Variants in CSE1L observed in about 807,000 individuals in gnomAD.
The protein encoded by CSE1L is chromosome segregation 1 like, also known as exportin-2.
Under a neutral mutation model 120.4 loss-of-function variants are expected in CSE1L, and 24 were observed. The ratio of observed to expected loss-of-function variants is 0.20; its 90% CI spans 0.14 to 0.28. CSE1L has a LOEUF of 0.28. Among genes scored for constraint, CSE1L ranks in the 10% least tolerant of loss-of-function variants. The pLI is 1.00. For missense variants in CSE1L, 830 were observed against 1,145.2 expected (o/e 0.72, Z 3.97); for synonymous variants, 402 against 398.3 (o/e 1.01, Z -0.11).
intron 8 of CSE1L, among the ~76,000 whole-genome samples, chr20:49,070,699 G>A (rs190738445): frequency 1.3e-5 from 1 of 77,780 alleles, no homozygotes; most frequent in Admixed American, 1.2e-4. Flanking sequence ...GGGCGGCCAA[G>A]GTGGGGAGGA....
At chr20:49,067,928 CTTTTTTTTT>C (rs10567768) in intron 6 of CSE1L, among the ~76,000 whole-genome samples, 10 of 78,480 alleles carry the variant, frequency 1.3e-4, no homozygotes, top group Admixed American at 1.9e-4. Flanking sequence ...TTCCCTCTCT[CTTTTTTTTT>C]TTTTTTTTTT....
chr20:49,067,410 T>C (rs1253382501), intron 6 of CSE1L, 130 bp downstream of exon 6: 2 of 578,168 alleles, frequency 3.5e-6, no homozygotes, highest in Non-Finnish European at 5.7e-6. Context: ...TTTGAAAAAT[T>C]TCAAACCTAC....
chr20:49,048,099 G>A (rs1794458293), intron 1 of CSE1L, among the ~76,000 whole-genome samples: 1 of 151,224 alleles, frequency 6.6e-6, no homozygotes, highest in African/African-American at 2.4e-5. Context: ...TTCTCACCTT[G>A]GGCCCACATA....
At chr20:49,066,862 C>G (rs1227154353) in intron 5 of CSE1L, among the ~76,000 whole-genome samples, 1 of 151,668 alleles carries the variant, frequency 6.6e-6, no homozygotes, top group East Asian at 1.9e-4. Context: ...AACCCCGTCT[C>G]TACTAAAAAT....
intron 1 of CSE1L, among the ~76,000 whole-genome samples, chr20:49,046,766 C>G (rs979291846): frequency 3.3e-5 from 5 of 151,828 alleles, no homozygotes; most frequent in African/African-American, 1.2e-4. Flanking sequence ...CGCCGCCTCT[C>G]CGCTCGGGAA....
chr20:49,074,386 A>G (rs142238807), intron 10 of CSE1L, among the ~76,000 whole-genome samples: 148 of 151,728 alleles, frequency 9.8e-4, no homozygotes, highest in Admixed American at 3.0e-3. Context: ...GACATTGTCC[A>G]CTCTACTTAT....
At chr20:49,073,313 A>G (rs548078124) in intron 10 of CSE1L, among the ~76,000 whole-genome samples, 31 of 152,278 alleles carry the variant, frequency 2.0e-4, no homozygotes, top group African/African-American at 7.5e-4. Flanking sequence ...TCGCCCAGAA[A>G]TAGCTGTTTT....
intron 2 of CSE1L, 126 bp from the exon 3 acceptor site, chr20:49,063,076 C>G (rs1206552267): frequency 1.4e-5 from 5 of 369,752 alleles, no homozygotes; most frequent in Non-Finnish European, 2.2e-5. Flanking sequence ...AAAAGTGAGG[C>G]CCTGTAGACC....
chr20:49,083,910 C>T, intron 14 of CSE1L, 116 bp from the exon 15 acceptor site: 1 of 1,077,022 alleles, frequency 9.3e-7, no homozygotes, highest in African/African-American at 1.6e-5. Flanking sequence ...CCTATTATAA[C>T]AGAGCTTAAA....
chr20:49,064,668 G>A (rs1326386268), intron 3 of CSE1L, among the ~76,000 whole-genome samples: 1 of 152,050 alleles, frequency 6.6e-6, no homozygotes, highest in African/African-American at 2.4e-5. Context: ...AACTGAGATG[G>A]TGCCACTGCA....
intron 12 of CSE1L, among the ~76,000 whole-genome samples, chr20:49,076,121 G>A (rs181141450): frequency 2.6e-5 from 4 of 152,062 alleles, no homozygotes; most frequent in South Asian, 2.1e-4. Context: ...GTGAGTCACC[G>A]TGCCTAGACA....
chr20:49,074,112 T>C (rs777210426), intron 10 of CSE1L, among the ~76,000 whole-genome samples: 1 of 150,660 alleles, frequency 6.6e-6, no homozygotes, highest in Non-Finnish European at 1.5e-5. Context: ...TCAAGCAGCT[T>C]AGGTGGGAGT....
intron 14 of CSE1L, among the ~76,000 whole-genome samples, chr20:49,080,711 G>A (rs1186706293): frequency 1.3e-5 from 2 of 152,094 alleles, no homozygotes; most frequent in African/African-American, 4.8e-5. Context: ...CCCTACCTCA[G>A]GCGATCCGCC....
At chr20:49,077,193 T>C in intron 13 of CSE1L, 129 bp downstream of exon 13, 2 of 568,692 alleles carry the variant, frequency 3.5e-6, no homozygotes, top group Non-Finnish European at 3.0e-6. Context: ...GGTGTCTTAC[T>C]CTGTTACCCA....
chr20:49,082,868 G>A (rs1568782197), intron 14 of CSE1L, among the ~76,000 whole-genome samples: 1 of 152,074 alleles, frequency 6.6e-6, no homozygotes, highest in Admixed American at 6.6e-5. Context: ...TGCCCAGGCT[G>A]GAGTGCAGTG....
At chr20:49,072,053 A>G (rs944292165) in intron 8 of CSE1L, among the ~76,000 whole-genome samples, 2 of 151,828 alleles carry the variant, frequency 1.3e-5, no homozygotes, top group African/African-American at 4.8e-5. Flanking sequence ...GGCGTGAGCC[A>G]CTACACTCAG....
intron 1 of CSE1L, among the ~76,000 whole-genome samples, chr20:49,057,994 C>A (rs1386888004): frequency 6.6e-6 from 1 of 151,996 alleles, no homozygotes; most frequent in Non-Finnish European, 1.5e-5. Flanking sequence ...GGTCTCTTAA[C>A]TCCTGAGCTC....
intron 18 of CSE1L, 32 bp from the exon 19 acceptor site, chr20:49,089,506 G>A (rs1031930484): frequency 1.2e-6 from 2 of 1,610,726 alleles, no homozygotes; most frequent in Admixed American, 1.7e-5. Flanking sequence ...TCCTTCTGAA[G>A]CTCACAGCTC....
chr20:49,096,185 T>C (rs1223166339), intron 24 of CSE1L, 164 bp from the exon 25 acceptor site: 1 of 710,916 alleles, frequency 1.4e-6, no homozygotes. Context: ...GACCTATTTT[T>C]GAAGGCATAA....
Sources: allele counts gnomAD v4.1 joint callset (sites outside exome capture counted in the v4.1 genomes callset), GRCh38; gene constraint gnomAD v4.1.1; transcripts MANE v1.5; gene names NCBI Gene and HGNC (gene_info 2026-07-23, HGNC 2026-07-21).